Variants in RALYL observed in about 807,000 individuals in gnomAD.
RALYL encodes the protein RNA-binding Raly-like protein.
A neutral mutation model predicts 35.1 loss-of-function variants in RALYL; 29 were observed. The ratio of observed to expected loss-of-function variants is 0.83; its 90% CI spans 0.61 to 1.13. RALYL has a LOEUF of 1.13. RALYL is among the 50% of genes most tolerant of loss of function. RALYL has a pLI of 0.00. For missense variants in RALYL, 359 were observed against 360.4 expected, an observed-to-expected ratio of 1.00 and a Z score of 0.03; for synonymous variants, 120 against 127.6, an observed-to-expected ratio of 0.94 and a Z score of 0.40.
chr8:84,320,262 G>A (rs1019584100), intron 1 of RALYL, among the ~76,000 whole-genome samples: 3 of 151,942 alleles, frequency 2.0e-5, no homozygotes, highest in African/African-American at 7.2e-5. Flanking sequence ...ATATAAGTGA[G>A]TACATGATGA....
At chr8:84,796,043 T>A (rs1248884518) in intron 3 of RALYL, among the ~76,000 whole-genome samples, 2 of 152,172 alleles carry the variant, frequency 1.3e-5, no homozygotes, top group African/African-American at 4.8e-5. Context: ...GGGATATGGC[T>A]GGCACGAGAG....
chr8:84,900,224 T>C (rs1008202560), intron 8 of RALYL, among the ~76,000 whole-genome samples: 16 of 152,122 alleles, frequency 1.1e-4, no homozygotes, highest in African/African-American at 3.6e-4. Context: ...AGCTTAAAAA[T>C]AAGCTTTAAA....
chr8:84,450,586 C>T (rs890769692), intron 1 of RALYL, among the ~76,000 whole-genome samples: 5 of 151,810 alleles, frequency 3.3e-5, no homozygotes, highest in African/African-American at 1.2e-4. Flanking sequence ...ACCATTTTCA[C>T]AATACCTACA....
chr8:84,799,793 A>G (rs1822794012), intron 3 of RALYL, among the ~76,000 whole-genome samples: 5 of 152,130 alleles, frequency 3.3e-5, no homozygotes. Context: ...CGTCTCTACT[A>G]AAAATACAAA....
chr8:84,321,706 C>T (rs1844847079), intron 1 of RALYL, among the ~76,000 whole-genome samples: 1 of 152,086 alleles, frequency 6.6e-6, no homozygotes, highest in Non-Finnish European at 1.5e-5. Flanking sequence ...CACGAAAAGA[C>T]TGAGATTTAA....
chr8:84,442,294 T>C (rs370128897), intron 1 of RALYL, among the ~76,000 whole-genome samples: 1 of 152,154 alleles, frequency 6.6e-6, no homozygotes, highest in Non-Finnish European at 1.5e-5. Context: ...TTTATGGCTG[T>C]TCAGGTTTTA....
At chr8:84,591,177 T>C (rs1564197866) in intron 2 of RALYL, among the ~76,000 whole-genome samples, 1 of 152,130 alleles carries the variant, frequency 6.6e-6, no homozygotes, top group East Asian at 1.9e-4. Context: ...GAGTTATCTT[T>C]CAAAAACTGT....
At chr8:84,789,099 C>T (rs1189120684) in intron 3 of RALYL, among the ~76,000 whole-genome samples, 1 of 152,102 alleles carries the variant, frequency 6.6e-6, no homozygotes, top group Non-Finnish European at 1.5e-5. Flanking sequence ...GTATGCAGAG[C>T]GTGGGACATG....
intron 1 of RALYL, among the ~76,000 whole-genome samples, chr8:84,419,366 T>G (rs1268595841): frequency 6.6e-6 from 1 of 152,124 alleles, no homozygotes; most frequent in Non-Finnish European, 1.5e-5. Context: ...CTGGGTTTTC[T>G]TCCTTTGTTT....
At chr8:84,248,258 C>T (rs1230911333) in intron 1 of RALYL, among the ~76,000 whole-genome samples, 4 of 151,978 alleles carry the variant, frequency 2.6e-5, no homozygotes, top group African/African-American at 9.7e-5. Context: ...CAGGTGTAGG[C>T]TTACAGCCTG....
At chr8:84,651,751 GGAAATAAA>G (rs1389233003) in intron 2 of RALYL, among the ~76,000 whole-genome samples, 2 of 151,906 alleles carry the variant, frequency 1.3e-5, no homozygotes, top group African/African-American at 4.8e-5. Context: ...AGAAAGTTGA[GGAAATAAA>G]GATAATTATT....
At chr8:84,254,782 T>A in intron 1 of RALYL, among the ~76,000 whole-genome samples, 1 of 145,226 alleles carries the variant, frequency 6.9e-6, no homozygotes, top group South Asian at 2.2e-4. Flanking sequence ...GACTCACAGC[T>A]CACCATGGCT....
At position 84,306,850 on chromosome 8, in the gene RALYL, G is replaced by A. The variant is rs143128219; in HGVS notation, c.-24+122426G>A. On this transcript the variant is annotated intron_variant, in intron 1 of 8. Coordinates refer to ENST00000521268, the MANE Select transcript of RALYL (RefSeq NM_173848.7). ...TGAATTGCTAGGGTTCTGTATCCTG[G>A]TGTTTAGATCAGGATTAAGAAAATG... Among the ~76,000 whole-genome samples the A allele has an allele frequency of 3.3e-3, 506 of 152,258 alleles. 4 individuals are homozygous for A. Among genetic ancestry groups the A allele is most frequent in the African/African-American group, 0.012 (494 of 41,548 alleles).
chr8:84,392,406 A>G (rs1182248666), intron 1 of RALYL, among the ~76,000 whole-genome samples: 1 of 151,896 alleles, frequency 6.6e-6, no homozygotes, highest in Non-Finnish European at 1.5e-5. Context: ...GAATCTATTG[A>G]AGATATTTCC....
At chr8:84,796,776 C>T (rs1822021796) in intron 3 of RALYL, among the ~76,000 whole-genome samples, 1 of 152,120 alleles carries the variant, frequency 6.6e-6, no homozygotes, top group African/African-American at 2.4e-5. Context: ...TATAAAATAT[C>T]ATGCTAAATT....
At chr8:84,769,474 T>G (rs2634062) in intron 2 of RALYL, among the ~76,000 whole-genome samples, 34,810 of 152,080 alleles carry the variant, frequency 0.23, 4,194 homozygotes, top group Non-Finnish European at 0.25. Flanking sequence ...ACCTAATGTC[T>G]CTGGCCCAGC....
chr8:84,312,483 C>T (rs2129966897), intron 1 of RALYL, among the ~76,000 whole-genome samples: 1 of 152,312 alleles, frequency 6.6e-6, no homozygotes, highest in Non-Finnish European at 1.5e-5. Context: ...ACTTATGAGC[C>T]TGTAAAATCA....
intron 1 of RALYL, among the ~76,000 whole-genome samples, chr8:84,419,796 A>G (rs977130880): frequency 6.8e-6 from 1 of 146,888 alleles, no homozygotes; most frequent in Admixed American, 6.9e-5. Context: ...AATATGCGGT[A>G]TTTGTTTTTT....
intron 1 of RALYL, among the ~76,000 whole-genome samples, chr8:84,521,641 C>T (rs902282244): frequency 3.9e-5 from 6 of 152,248 alleles, no homozygotes; most frequent in South Asian, 2.1e-4. Context: ...TCTTTGTTTA[C>T]AAAATGTCAG....
Sources: allele counts gnomAD v4.1 joint callset (sites outside exome capture counted in the v4.1 genomes callset), GRCh38; gene constraint gnomAD v4.1.1; transcripts MANE v1.5; gene names NCBI Gene and HGNC (gene_info 2026-07-23, HGNC 2026-07-21).